Variants in LRCH2 observed in about 807,000 individuals in gnomAD.
The protein encoded by LRCH2 is leucine rich repeats and calponin homology domain containing 2, also known as leucine-rich repeat and calponin homology domain-containing protein 2.
Under a neutral mutation model 68.9 loss-of-function variants are expected in LRCH2, and 38 were observed. The observed-to-expected ratio is 0.55, with a 90% confidence interval of 0.43 to 0.72. The LOEUF is 0.72. LRCH2 is among the 30% of genes least tolerant of loss of function. LRCH2 has a pLI of 0.00. For synonymous variants in LRCH2, 191 were observed against 208.1 expected (o/e 0.92, Z 0.71); for missense variants, 528 against 572.9 (o/e 0.92, Z 0.80).
At chrX:115,174,035 G>A (rs1398012490) in intron 5 of LRCH2, among the ~76,000 whole-genome samples, 3 of 111,778 alleles carry the variant, frequency 2.7e-5, no homozygotes, top group Non-Finnish European at 3.8e-5. Context: ...TCAACAGTAG[G>A]CTATTAGCAG....
chrX:115,176,758 T>G (rs1383050950), intron 5 of LRCH2, among the ~76,000 whole-genome samples: 2 of 107,094 alleles, frequency 1.9e-5, no homozygotes. Context: ...TTTCTTTTTT[T>G]TTTTTTGAGA....
At chrX:115,207,342 C>T (rs1354784038) in intron 1 of LRCH2, among the ~76,000 whole-genome samples, 1 of 110,626 alleles carries the variant, frequency 9.0e-6, no homozygotes, top group African/African-American at 3.3e-5. Flanking sequence ...TGTTCCAGAC[C>T]AGCCTGGGCA....
chrX:115,233,749 C>T lies in LRCH2; in HGVS notation c.293G>A (p.Arg98Gln). The stretch of plus-strand genomic sequence containing the variant: ...GCTGCCCGGGAAGTCTCGGAGTTTC[C>T]GACCACTGAGGCTCAGGATGCCGGA... The part of the protein sequence containing the change: ...GSSGILSLSG[R>Q]KLRDFPGSGY... Residue 98 changes from arginine to glutamine, a missense_variant, in exon 1 of 21, where the codon CGG becomes CAG. Arg to Gln is a conservative substitution (Grantham distance 43). Coordinates refer to ENST00000317135, the MANE Select transcript of LRCH2 (RefSeq NM_020871.4). 2.5e-6 allele frequency: 3 copies of T among 1,182,198 alleles called. No individual in the cohort carries two copies. Among genetic ancestry groups the T allele is most frequent in the Admixed American group, 2.4e-5 (1 of 42,138 alleles).
At chrX:115,217,690 C>T (rs1440377316) in intron 1 of LRCH2, among the ~76,000 whole-genome samples, 2 of 111,868 alleles carry the variant, frequency 1.8e-5, no homozygotes, top group African/African-American at 3.3e-5. Context: ...AATAAACGTA[C>T]GTGTGCATGT....
Position 115,165,604 on chromosome X carries a change from G to A in LRCH2, c.1250C>T (p.Pro417Leu). 19 of 1,170,856 alleles carry A rather than the reference G, an allele frequency of 1.6e-5. No homozygotes were observed. Among genetic ancestry groups the A allele is most frequent in the Middle Eastern group, 2.4e-4 (1 of 4,174 alleles). The change falls in exon 9 of 21, where the codon CCT becomes CTT. Residue 417 changes from proline (P) to leucine (L), a missense_variant. By Grantham distance (98) the Pro-to-Leu change is moderately conservative (BLOSUM62 -3). Coordinates refer to ENST00000317135, the MANE Select transcript of LRCH2 (RefSeq NM_020871.4). Reference sequence around the variant, plus strand: ...TCCAATATGTGCATTTCCCTGTTCAGGAACTGCTACATCTTCTGTGTTGGG... The same window carrying A: ...TCCAATATGTGCATTTCCCTGTTCAAGAACTGCTACATCTTCTGTGTTGGG... ...VDPNTEDVAV[P>L]EQGNAHIGSF...
At chrX:115,226,025 A>C (rs2073116696) in intron 1 of LRCH2, among the ~76,000 whole-genome samples, 1 of 112,210 alleles carries the variant, frequency 8.9e-6, no homozygotes, top group Non-Finnish European at 1.9e-5. Context: ...ACACTGACAT[A>C]CTATACAACC....
At chrX:115,115,756 T>C (rs187525433) in intron 20 of LRCH2, among the ~76,000 whole-genome samples, 28 of 109,587 alleles carry the variant, frequency 2.6e-4, no homozygotes, top group African/African-American at 9.3e-4. Context: ...ATCAAGAAAG[T>C]GAAAAGACAA....
intron 14 of LRCH2, among the ~76,000 whole-genome samples, chrX:115,131,258 C>A (rs958629873): frequency 2.0e-5 from 2 of 101,359 alleles, no homozygotes; most frequent in East Asian, 3.1e-4. Context: ...CCTCCCCCCC[C>A]CTCCACACCA....
At chrX:115,231,483 A>G (rs1248041019) in intron 1 of LRCH2, among the ~76,000 whole-genome samples, 1 of 112,009 alleles carries the variant, frequency 8.9e-6, no homozygotes, top group Non-Finnish European at 1.9e-5. Context: ...CAAATGGCAA[A>G]TGAGTCACCC....
rs1388034574 is a variant in LRCH2 at position 115,156,642 on chromosome X, T to A, written c.1489A>T (p.Met497Leu). ...NRILNHSTSV[M>L]RNKPKQTVEC... ...ACAGTTTGTTTTGGCTTGTTTCTCATCACAGAAGTTGAATGATTAAGAATC... is the reference window on the plus strand; with the variant it reads ...ACAGTTTGTTTTGGCTTGTTTCTCAACACAGAAGTTGAATGATTAAGAATC... Residue 497 changes from methionine (M) to leucine (L), a missense_variant, in exon 12 of 21, where the codon ATG (methionine) becomes TTG (leucine). By Grantham distance (15) the Met-to-Leu change is conservative. Coordinates refer to ENST00000317135, the MANE Select transcript of LRCH2 (RefSeq NM_020871.4). 8.8e-7 allele frequency: 1 copy of A among 1,136,365 alleles called. No individual in the cohort carries two copies. Among genetic ancestry groups the A allele is most frequent in the Non-Finnish European group, 1.2e-6 (1 of 857,202 alleles). 93.6% of individuals were successfully genotyped at this position (1,136,365 alleles called of 1,213,427 possible). A position where few individuals can be genotyped will look rare whatever the true frequency, so the allele number is the denominator to read the frequency against.
intron 16 of LRCH2, 45 bp from the exon 17 acceptor site, chrX:115,124,047 T>C (rs888472651): frequency 2.7e-6 from 2 of 753,076 alleles, no homozygotes; most frequent in African/African-American, 4.4e-5. Context: ...TAATAAAACT[T>C]CTTTTCTTTC....
At position 115,191,308 on chromosome X, in the gene LRCH2, C is replaced by T. The variant is rs781927425; in HGVS notation, c.350-2938G>A. 1.3e-4 allele frequency: 146 copies of T among 1,156,193 alleles called. No individual in the cohort carries two copies. In the South Asian group the frequency reaches 2.0e-3, roughly 16 times the overall value. The stretch of plus-strand genomic sequence containing the variant: ...CCACGACAGTTCCAGCTGGAGCCAC[C>T]GCTACGGAGGAGGAGGCCGCTACGA... On this transcript the variant is annotated intron_variant, in intron 1 of 20. Transcript: ENST00000317135.
At chrX:115,157,286 TAA>T (rs2072482971) in intron 11 of LRCH2, among the ~76,000 whole-genome samples, 3 of 110,756 alleles carry the variant, frequency 2.7e-5, no homozygotes, top group African/African-American at 9.8e-5. Flanking sequence ...GAACTATACT[TAA>T]GAGTTCTTAA....
intron 1 of LRCH2, among the ~76,000 whole-genome samples, chrX:115,212,160 G>A (rs1471844195): frequency 9.0e-6 from 1 of 111,421 alleles, no homozygotes; most frequent in Non-Finnish European, 1.9e-5. Flanking sequence ...TGAGACTCCC[G>A]TGTGAGAGAC....
chrX:115,163,983 A>G (rs1282239197), intron 10 of LRCH2, among the ~76,000 whole-genome samples, 200 bp from the exon 11 acceptor site: 1 of 112,212 alleles, frequency 8.9e-6, no homozygotes, highest in Admixed American at 9.5e-5. Flanking sequence ...TACTGGCTGT[A>G]TTAATATAAT....
chrX:115,186,721 C>G (rs1198297378), intron 2 of LRCH2, among the ~76,000 whole-genome samples: 1 of 110,573 alleles, frequency 9.0e-6, no homozygotes, highest in Non-Finnish European at 1.9e-5. Flanking sequence ...TTTCCTCAAA[C>G]CTCTCCTAAG....
chrX:115,216,666 G>A (rs2073043995), intron 1 of LRCH2, among the ~76,000 whole-genome samples: 1 of 111,917 alleles, frequency 8.9e-6, no homozygotes. Flanking sequence ...TAGTGAGAAT[G>A]TAAATTAGTA....
chrX:115,209,673 T>C (rs1225977594), intron 1 of LRCH2, among the ~76,000 whole-genome samples: 5 of 112,031 alleles, frequency 4.5e-5, no homozygotes, highest in East Asian at 2.8e-4. Context: ...AACTGGGTAA[T>C]AGGCAGAAGT....
chrX:115,178,951 A>T (rs2072671689), intron 5 of LRCH2, among the ~76,000 whole-genome samples: 1 of 111,767 alleles, frequency 8.9e-6, no homozygotes, highest in South Asian at 3.7e-4. Flanking sequence ...TCCATAGGGG[A>T]TTATATCATA....
Sources: gnomAD v4.1 joint callset for allele counts (sites outside exome capture counted in the v4.1 genomes callset) on GRCh38, gnomAD v4.1.1 for gene constraint, MANE v1.5 for transcripts, NCBI Gene and HGNC (gene_info 2026-07-23, HGNC 2026-07-21) for gene names.